The following COG5 variants were observed in gnomAD, a reference collection of about 807,000 sequenced individuals.
COG5 encodes conserved oligomeric Golgi complex subunit 5.
Under a neutral mutation model 110.4 loss-of-function variants are expected in COG5, and 86 were observed. The ratio of observed to expected loss-of-function variants is 0.78; its 90% CI spans 0.65 to 0.93. The LOEUF (loss-of-function observed/expected upper bound fraction) is 0.93. Ranked by LOEUF, COG5 falls within the 40% of genes least tolerant of loss-of-function variation. COG5 has a pLI of 0.00. For missense variants in COG5, 1,077 were observed against 987.0 expected, an observed-to-expected ratio of 1.09 and a Z score of -1.22; for synonymous variants, 360 against 334.6, an observed-to-expected ratio of 1.08 and a Z score of -0.83.
Position 107,211,196 on chromosome 7 carries a change from A to G in COG5, c.2198T>C (p.Val733Ala). 6.2e-7 allele frequency: 1 copy of G among 1,614,106 alleles called. No individual in the cohort carries two copies. The highest frequency in any genetic ancestry group is 8.5e-7 in the Non-Finnish European group (1 of 1,179,940). ...ATCCCCCAATGCAGGACTACTGGCT[A>G]CATGTTCACTTGCCTGGAAGAGCAG... is the stretch of plus-strand genomic sequence containing the variant. Reference protein sequence around the residue: ...RPLLFQASEHVASSPALGDVI... With the variant: ...RPLLFQASEHAASSPALGDVI... Residue 733 changes from valine to alanine, a missense_variant, in exon 20 of 22, where the codon GTA (valine) becomes GCA (alanine). Val to Ala is a moderately conservative substitution (Grantham distance 64). Coordinates refer to ENST00000297135, the MANE Select transcript of COG5 (RefSeq NM_006348.5).
chr7:107,530,570 C>T (rs538493563), intron 5 of COG5, among the ~76,000 whole-genome samples: 7 of 132,646 alleles, frequency 5.3e-5, no homozygotes, highest in Admixed American at 9.1e-5. Flanking sequence ...TATTGCACTC[C>T]AGCCTGGGCA....
intron 6 of COG5, among the ~76,000 whole-genome samples, chr7:107,414,776 G>A (rs1406940497): frequency 7.7e-6 from 1 of 130,162 alleles, no homozygotes; most frequent in Non-Finnish European, 1.6e-5. Context: ...TGCCAGGCTG[G>A]AGTACAGTGG....
intron 6 of COG5, among the ~76,000 whole-genome samples, chr7:107,443,852 T>C (rs796971794): frequency 6.6e-5 from 10 of 152,318 alleles, no homozygotes; most frequent in African/African-American, 2.2e-4. Context: ...ATATTTCATA[T>C]ATTCTCTACC....
At chr7:107,240,908 A>T (rs1296333322) in intron 17 of COG5, among the ~76,000 whole-genome samples, 1 of 152,248 alleles carries the variant, frequency 6.6e-6, no homozygotes, top group African/African-American at 2.4e-5. Context: ...ACTGCTGTAT[A>T]CATGAATCTC....
chr7:107,225,726 T>C (rs1198188375), intron 19 of COG5, among the ~76,000 whole-genome samples: 1 of 152,140 alleles, frequency 6.6e-6, no homozygotes, highest in African/African-American at 2.4e-5. Context: ...TTGCTGAGGC[T>C]AGTAGATGCT....
intron 6 of COG5, among the ~76,000 whole-genome samples, chr7:107,421,020 A>G (rs1373652684): frequency 6.6e-6 from 1 of 152,158 alleles, no homozygotes; most frequent in African/African-American, 2.4e-5. Context: ...TTCCTTTCCT[A>G]AGTCTCACTC....
chr7:107,461,449 A>C (rs1167184857), intron 6 of COG5, among the ~76,000 whole-genome samples: 1 of 152,184 alleles, frequency 6.6e-6, no homozygotes, highest in Non-Finnish European at 1.5e-5. Context: ...TATCCATAAA[A>C]ACCGTATACC....
intron 12 of COG5, among the ~76,000 whole-genome samples, chr7:107,296,564 T>TTCTAACCTATCATG (rs1806763038): frequency 1.1e-4 from 17 of 150,108 alleles, no homozygotes; most frequent in Middle Eastern, 3.5e-3. Flanking sequence ...CCATTTATTT[T>TTCTAACCTATCATG]GCCAGTCAAA....
chr7:107,393,498 TA>T (rs749968815), intron 7 of COG5, among the ~76,000 whole-genome samples: 63 of 152,238 alleles, frequency 4.1e-4, no homozygotes, highest in Non-Finnish European at 8.2e-4. Flanking sequence ...CATCACAAGA[TA>T]GGCATGATAA....
Position 107,211,090 on chromosome 7 carries a change from A to T in COG5, c.2295+9T>A. 2 of 1,613,890 alleles carry T rather than the reference A, an allele frequency of 1.2e-6. No individual in the cohort carries two copies. Among genetic ancestry groups the T allele is most frequent in the South Asian group, 2.2e-5 (2 of 91,068 alleles). ...CACAAAAGGGTTCTGGCTTGACTTT[A>T]TTTATTACCTGGAAAGGAGATTTCA... On this transcript the variant is annotated intron_variant, in intron 20 of 21. Coordinates refer to ENST00000297135, the MANE Select transcript of COG5 (RefSeq NM_006348.5).
Position 107,457,756 on chromosome 7 carries a change from A to T in COG5, c.539-45124T>A, listed in dbSNP as rs376544715. 1.8e-4 allele frequency among the ~76,000 whole-genome samples: 28 copies of T among 152,290 alleles called. No homozygotes were observed. The East Asian group carries it at 4.0e-3, about 22-fold the overall frequency. Reference sequence around the variant, plus strand: ...AAAATAGGAGTTTTTGAAGTCTAAGAAAGAGAATAATGTTCTAAGGAAAAA... The same window carrying T: ...AAAATAGGAGTTTTTGAAGTCTAAGTAAGAGAATAATGTTCTAAGGAAAAA... On this transcript the variant is annotated intron_variant, in intron 6 of 21. Coordinates refer to ENST00000297135, the MANE Select transcript of COG5 (RefSeq NM_006348.5).
chr7:107,230,631 T>C lies in COG5; in HGVS notation c.2152A>G (p.Met718Val). 2 of 1,612,712 alleles carry C rather than the reference T, an allele frequency of 1.2e-6. No homozygotes were observed. Among genetic ancestry groups the C allele is most frequent in the East Asian group, 2.2e-5 (1 of 44,840 alleles). Residue 718 changes from methionine to valine, a missense_variant, in exon 19 of 22, where the codon ATG becomes GTG. Physicochemically the swap from Met to Val is conservative, Grantham distance 21 (BLOSUM62 1). Transcript: ENST00000297135. Reference sequence around the variant, plus strand: ...CGGTCTTACCTGAATGATCTCAGCATCCGATAGGACTTTCCTAAATCAGAT... The same window carrying C: ...CGGTCTTACCTGAATGATCTCAGCACCCGATAGGACTTTCCTAAATCAGAT... ...RVSDLGKSYR[M>V]LRSFRPLLFQ...
At chr7:107,408,888 T>C (rs1287572887) in intron 7 of COG5, among the ~76,000 whole-genome samples, 1 of 152,186 alleles carries the variant, frequency 6.6e-6, no homozygotes, top group Admixed American at 6.5e-5. Context: ...TCAGTAGTTC[T>C]GAGAGGCTCA....
At chr7:107,377,510 G>T (rs1814737816) in intron 7 of COG5, among the ~76,000 whole-genome samples, 1 of 151,642 alleles carries the variant, frequency 6.6e-6, no homozygotes, top group African/African-American at 2.4e-5. Flanking sequence ...TGTTAATCTT[G>T]TTAAGTAACT....
At chr7:107,324,928 C>G (rs1030118907) in intron 10 of COG5, among the ~76,000 whole-genome samples, 1 of 152,068 alleles carries the variant, frequency 6.6e-6, no homozygotes, top group Non-Finnish European at 1.5e-5. Flanking sequence ...AATTATTACT[C>G]TCATCATCAT....
chr7:107,333,034 G>C (rs1232737615), intron 10 of COG5, among the ~76,000 whole-genome samples: 1 of 152,140 alleles, frequency 6.6e-6, no homozygotes, highest in Admixed American at 6.5e-5. Flanking sequence ...TGCTTACTAA[G>C]AGGAAGTCAG....
At chr7:107,287,009 G>A (rs560027104) in intron 12 of COG5, among the ~76,000 whole-genome samples, 15 of 152,304 alleles carry the variant, frequency 9.8e-5, no homozygotes, top group African/African-American at 2.9e-4. Flanking sequence ...AATAACATAC[G>A]AGAAGCAGGA....
intron 12 of COG5, among the ~76,000 whole-genome samples, chr7:107,288,909 T>TATAG (rs1805895588): frequency 3.3e-4 from 1 of 2,986 alleles, no homozygotes; most frequent in Non-Finnish European, 1.2e-3. Context: ...CTAACAGAGA[T>TATAG]ATATATATAT....
chr7:107,530,372 C>A (rs143534945), intron 5 of COG5, among the ~76,000 whole-genome samples: 6 of 152,112 alleles, frequency 3.9e-5, no homozygotes, highest in Admixed American at 6.5e-5. Flanking sequence ...GAGGCCAAGG[C>A]GGGCGGATCA....
Sources: gnomAD v4.1 joint callset for allele counts (sites outside exome capture counted in the v4.1 genomes callset) on GRCh38, gnomAD v4.1.1 for gene constraint, MANE v1.5 for transcripts, NCBI Gene and HGNC (gene_info 2026-07-23, HGNC 2026-07-21) for gene names.